Variants in JAZF1 observed in about 807,000 individuals in gnomAD.
JAZF1 encodes the protein juxtaposed with another zinc finger protein 1.
JAZF1 carries 8 observed loss-of-function variants against 26.4 expected under a neutral mutation model. The observed-to-expected ratio is 0.30, with a 90% confidence interval of 0.18 to 0.55. The LOEUF is 0.55. Ranked by LOEUF, JAZF1 falls within the 20% of genes least tolerant of loss-of-function variation. The pLI, the probability that JAZF1 is intolerant of heterozygous loss-of-function variation, is 0.94. For synonymous variants in JAZF1, 126 were observed against 122.3 expected (o/e 1.03, Z -0.20); for missense variants, 199 against 322.0 (o/e 0.62, Z 2.92).
At chr7:28,171,514 G>GA (rs1424260912) in intron 1 of JAZF1, among the ~76,000 whole-genome samples, 1 of 152,188 alleles carries the variant, frequency 6.6e-6, no homozygotes, top group African/African-American at 2.4e-5. Flanking sequence ...TCTGGGGGAG[G>GA]AAACAGTGCA....
chr7:27,988,558 C>T (rs1472970677), intron 2 of JAZF1, among the ~76,000 whole-genome samples: 3 of 151,944 alleles, frequency 2.0e-5, no homozygotes, highest in African/African-American at 7.3e-5. Flanking sequence ...TTAAATGTAT[C>T]ACCAAATTGC....
intron 1 of JAZF1, among the ~76,000 whole-genome samples, chr7:28,029,465 C>T (rs1783148982): frequency 6.6e-6 from 1 of 152,152 alleles, no homozygotes. Context: ...CAAGCACAGG[C>T]AACAGAACAG....
intron 1 of JAZF1, among the ~76,000 whole-genome samples, chr7:28,175,801 C>T (rs1347695482): frequency 1.3e-5 from 2 of 152,212 alleles, no homozygotes; most frequent in Non-Finnish European, 1.5e-5. Context: ...AAATCATACA[C>T]ATCAGCCACG....
chr7:28,133,639 C>A (rs1782834609), intron 1 of JAZF1, among the ~76,000 whole-genome samples: 2 of 152,172 alleles, frequency 1.3e-5, no homozygotes, highest in Admixed American at 1.3e-4. Flanking sequence ...AGTGTAGGAA[C>A]CTGTCCACTG....
intron 1 of JAZF1, among the ~76,000 whole-genome samples, chr7:28,148,963 G>A (rs184473192): frequency 6.6e-6 from 1 of 152,338 alleles, no homozygotes; most frequent in African/African-American, 2.4e-5. Context: ...TTCTACTTAC[G>A]TTGGCTTTAC....
At chr7:27,870,058 A>G in intron 3 of JAZF1, among the ~76,000 whole-genome samples, 1 of 148,342 alleles carries the variant, frequency 6.7e-6, no homozygotes, top group African/African-American at 2.5e-5. Flanking sequence ...ACAGGCGCAC[A>G]CTGCCACACC....
chr7:27,947,004 A>G (rs1784933459), intron 2 of JAZF1, among the ~76,000 whole-genome samples: 1 of 152,256 alleles, frequency 6.6e-6, no homozygotes, highest in African/African-American at 2.4e-5. Context: ...GCATTCAATC[A>G]GAAATGGTCC....
intron 3 of JAZF1, among the ~76,000 whole-genome samples, chr7:27,879,828 C>T (rs1783739732): frequency 6.6e-6 from 1 of 152,174 alleles, no homozygotes; most frequent in African/African-American, 2.4e-5. Context: ...ATTCAGACCA[C>T]TCAGAACACT....
At chr7:27,989,425 C>A (rs1157702041) in intron 2 of JAZF1, among the ~76,000 whole-genome samples, 1 of 151,602 alleles carries the variant, frequency 6.6e-6, no homozygotes, top group Admixed American at 6.6e-5. Flanking sequence ...CAACAAAAGT[C>A]AAAAATGGGA....
intron 1 of JAZF1, among the ~76,000 whole-genome samples, chr7:28,006,378 A>G (rs1782700742): frequency 6.6e-6 from 1 of 152,082 alleles, no homozygotes; most frequent in Non-Finnish European, 1.5e-5. Context: ...CAAAAAAAAC[A>G]AAAAACAAAA....
At chr7:27,835,541 A>G (rs112194420) in intron 4 of JAZF1, among the ~76,000 whole-genome samples, 3 of 151,856 alleles carry the variant, frequency 2.0e-5, no homozygotes, top group African/African-American at 7.3e-5. Context: ...GCACATTTAG[A>G]AACATAAAGT....
chr7:27,979,477 C>G (rs1446459436), intron 2 of JAZF1, among the ~76,000 whole-genome samples: 12 of 140,612 alleles, frequency 8.5e-5, no homozygotes, highest in Admixed American at 7.6e-4. Flanking sequence ...TAGCCTTGAA[C>G]TCCTGGGCTC....
At chr7:27,837,309 G>A (rs955103168) in intron 4 of JAZF1, among the ~76,000 whole-genome samples, 7 of 152,216 alleles carry the variant, frequency 4.6e-5, no homozygotes, top group Admixed American at 2.0e-4. Flanking sequence ...CTGAATTCAG[G>A]CGAGCATGAG....
intron 2 of JAZF1, among the ~76,000 whole-genome samples, chr7:27,906,114 TATG>T (rs1784251980): frequency 2.6e-5 from 4 of 152,188 alleles, no homozygotes; most frequent in African/African-American, 9.7e-5. Context: ...TTGCTTGAAA[TATG>T]CTAAGCAAAC....
intron 1 of JAZF1, among the ~76,000 whole-genome samples, chr7:28,027,209 C>A (rs1783107966): frequency 6.6e-6 from 1 of 152,158 alleles, no homozygotes; most frequent in African/African-American, 2.4e-5. Context: ...ACAAGTGGCT[C>A]ACTTGGGGAT....
chr7:28,142,745 G>C (rs1279788887), intron 1 of JAZF1, among the ~76,000 whole-genome samples: 1 of 152,156 alleles, frequency 6.6e-6, no homozygotes, highest in African/African-American at 2.4e-5. Context: ...CGTCAAAAGA[G>C]GTACCACTAC....
At chr7:28,056,580 A>G (rs7785730) in intron 1 of JAZF1, among the ~76,000 whole-genome samples, 40,476 of 152,072 alleles carry the variant, frequency 0.27, 5,907 homozygotes, top group East Asian at 0.48. Context: ...TAAGAATCAC[A>G]TCCACCATGT....
intron 3 of JAZF1, among the ~76,000 whole-genome samples, chr7:27,885,004 T>C (rs1206998509): frequency 6.6e-6 from 1 of 152,170 alleles, no homozygotes; most frequent in Non-Finnish European, 1.5e-5. Context: ...TTGAGGACAT[T>C]CTCTGCTCTG....
intron 2 of JAZF1, among the ~76,000 whole-genome samples, chr7:27,938,053 A>C: frequency 6.6e-6 from 1 of 152,240 alleles, no homozygotes; most frequent in East Asian, 1.9e-4. Context: ...AATTTACTGA[A>C]CCAATCTCAA....
Sources: allele counts gnomAD v4.1 joint callset (sites outside exome capture counted in the v4.1 genomes callset), GRCh38; gene constraint gnomAD v4.1.1; transcripts MANE v1.5; gene names NCBI Gene and HGNC (gene_info 2026-07-23, HGNC 2026-07-21).